Variants in UTP14A observed in about 807,000 individuals in gnomAD.
UTP14A encodes the protein U3 small nucleolar RNA-associated protein 14 homolog A.
Under a neutral mutation model 57.2 loss-of-function variants are expected in UTP14A, and 5 were observed. The observed-to-expected ratio is 0.09, with a 90% confidence interval of 0.05 to 0.18. The LOEUF is 0.18. UTP14A is among the 10% of genes least tolerant of loss of function. The pLI, the probability that UTP14A is intolerant of heterozygous loss-of-function variation, is 1.00. For synonymous variants in UTP14A, 169 were observed against 210.9 expected, an observed-to-expected ratio of 0.80 and a Z score of 1.72; for missense variants, 430 against 562.1, an observed-to-expected ratio of 0.76 and a Z score of 2.38.
rs764081312 is a variant in UTP14A, at chrX:129,924,984, A to G, written c.1538A>G (p.Glu513Gly). The G allele has an allele frequency of 9.1e-6, 11 of 1,209,453 alleles. No homozygotes were observed. The African/African-American group carries it at 1.9e-4, about 21-fold the overall frequency. ...QRPERVQTLEELEELGKEECF... is the reference protein window; with the variant it reads ...QRPERVQTLEGLEELGKEECF... ...CCAGAGAGAGTACAGACGCTGGAAG[A>G]GCTAGAAGAGCTGGGAAAAGAAGAA... is the stretch of plus-strand genomic sequence containing the variant. Residue 513 changes from glutamate to glycine, a missense_variant, in exon 12 of 15, where the codon GAG becomes GGG. By Grantham distance (98) the Glu-to-Gly change is moderately conservative (BLOSUM62 -2). This residue lies in a region of UTP14A where 120 missense variants were observed against 116.8 expected (regional missense o/e 1.03). Coordinates refer to ENST00000394422, the MANE Select transcript of UTP14A (RefSeq NM_006649.4).
intron 14 of UTP14A, 63 bp downstream of exon 14, chrX:129,926,402 G>A: frequency 2.0e-6 from 2 of 990,061 alleles, no homozygotes; most frequent in Non-Finnish European, 2.9e-6. Context: ...TGCTTGAGAG[G>A]AGTATTCTAG....
intron 12 of UTP14A, 65 bp from the exon 13 acceptor site, chrX:129,925,854 C>T: frequency 8.5e-7 from 1 of 1,170,484 alleles, no homozygotes; most frequent in Non-Finnish European, 1.1e-6. Flanking sequence ...ACCCGAAATT[C>T]AAGCGTTCTC....
chrX:129,920,015 C>G (rs1470587608), intron 8 of UTP14A, among the ~76,000 whole-genome samples: 1 of 111,213 alleles, frequency 9.0e-6, no homozygotes, highest in African/African-American at 3.3e-5. Context: ...ATGGCGAAAC[C>G]CCATCTCTAC....
chrX:129,923,875 C>T (rs753159869), intron 11 of UTP14A, among the ~76,000 whole-genome samples: 34 of 110,841 alleles, frequency 3.1e-4, no homozygotes, highest in South Asian at 2.6e-3. Context: ...GTTTACTGCA[C>T]GAGGAACTTA....
chrX:129,911,143 T>C lies in UTP14A; in HGVS notation c.374T>C (p.Ile125Thr), dbSNP rs777810656. Residue 125 changes from isoleucine (I) to threonine (T), a missense_variant, in exon 5 of 15, where the codon ATT becomes ACT. Around this residue, in one of 4 missense-constraint regions of UTP14A, gnomAD observed 145 missense variants for 153.5 expected, o/e 0.94. Transcript: ENST00000394422. The part of the protein sequence containing the change: ...TVELPLNKEE[I>T]ERIHREVAFN... ...GAGTTACCTCTGAACAAAGAAGAGA[T>C]TGAACGGGTAAGCTACAGAGAAGGT... 8.3e-6 allele frequency: 10 copies of C among 1,208,365 alleles called. No individual in the cohort carries two copies. The highest frequency in any genetic ancestry group is 1.1e-5 in the Non-Finnish European group (10 of 894,085).
chrX:129,916,558 T>C (rs903852262), intron 6 of UTP14A, among the ~76,000 whole-genome samples: 7 of 111,570 alleles, frequency 6.3e-5, no homozygotes, highest in African/African-American at 9.8e-5. Context: ...TCTGTCTCTG[T>C]AATAGCCCTT....
At chrX:129,915,749 T>C (rs1404132849) in intron 6 of UTP14A, among the ~76,000 whole-genome samples, 1 of 110,132 alleles carries the variant, frequency 9.1e-6, no homozygotes, top group Non-Finnish European at 1.9e-5. Flanking sequence ...CCTACTGCCC[T>C]ACTGAAACTT....
chrX:129,914,166 GAAGTGCTT>G (rs1460473885), intron 6 of UTP14A, among the ~76,000 whole-genome samples: 2 of 111,440 alleles, frequency 1.8e-5, no homozygotes, highest in African/African-American at 6.5e-5. Flanking sequence ...GAGAAATAAG[GAAGTGCTT>G]AGTTCAGAGG....
intron 12 of UTP14A, among the ~76,000 whole-genome samples, chrX:129,925,404 T>A (rs1245563999): frequency 1.8e-5 from 2 of 111,571 alleles, no homozygotes; most frequent in Non-Finnish European, 3.8e-5. Flanking sequence ...CCACAAAAAC[T>A]CCTCTGGGGT....
In UTP14A at chrX:129,921,207, T is replaced by C; in HGVS notation, c.968T>C (p.Met323Thr). 8.3e-7 allele frequency: 1 copy of C among 1,207,833 alleles called. No individual in the cohort carries two copies. The highest frequency in any genetic ancestry group is 1.1e-6 in the Non-Finnish European group (1 of 893,760). ...AKYDLEARQAMQEQLSKNKEL... is the reference protein window; with the variant it reads ...AKYDLEARQATQEQLSKNKEL... Reference sequence around the variant, plus strand: ...TCTTTCCTCCAGGCTCGCCAAGCTATGCAGGAACAGTTGTCTAAGAACAAA... The same window carrying C: ...TCTTTCCTCCAGGCTCGCCAAGCTACGCAGGAACAGTTGTCTAAGAACAAA... The change falls in exon 11 of 15, where the codon ATG becomes ACG. Residue 323 changes from methionine (M) to threonine (T), a missense_variant. Met to Thr is a moderately conservative substitution (Grantham distance 81). Transcript: ENST00000394422.
chrX:129,913,677 T>C (rs189268891), intron 6 of UTP14A, among the ~76,000 whole-genome samples: 44 of 112,124 alleles, frequency 3.9e-4, no homozygotes, highest in African/African-American at 1.0e-3. Flanking sequence ...AAATGCCAAG[T>C]TTGTTATTAA....
chrX:129,928,384 CAAAAAA>C (rs1183151025), intron 14 of UTP14A, among the ~76,000 whole-genome samples: 2 of 8,757 alleles, frequency 2.3e-4, no homozygotes, highest in African/African-American at 7.9e-4. Flanking sequence ...GACTCCATCT[CAAAAAA>C]AAAAAAAAAA....
chrX:129,908,809 C>G (rs41304948), intron 4 of UTP14A, 75 bp downstream of exon 4: 277 of 982,632 alleles, frequency 2.8e-4, no homozygotes, highest in Admixed American at 7.7e-4. Context: ...CCTCACCCCC[C>G]CTAGGAACTG....
rs57312277 is a variant in UTP14A at position 129,908,343 on chromosome X, T to C, written c.173+213T>C. 4.1e-3 allele frequency: 1,726 copies of C among 420,599 alleles called. 12 individuals are homozygous for C. Among genetic ancestry groups the C allele is most frequent in the African/African-American group, 0.036 (1,427 of 40,055 alleles). 34.7% of individuals were successfully genotyped at this position (420,599 alleles called of 1,213,427 possible). On this transcript the variant is annotated intron_variant, in intron 3 of 14. Coordinates refer to ENST00000394422, the MANE Select transcript of UTP14A (RefSeq NM_006649.4). ...CCACACTGAAAATCTTTTAAAGCAT[T>C]GAGTAGGCATTATTTAACCCCATTA...
At chrX:129,925,221 A>G (rs778594687) in intron 12 of UTP14A, 26 bp downstream of exon 12, 1 of 1,190,721 alleles carries the variant, frequency 8.4e-7, no homozygotes, top group South Asian at 1.9e-5. Flanking sequence ...GTGGTGGGCC[A>G]TTGTTCAGAA....
intron 4 of UTP14A, among the ~76,000 whole-genome samples, chrX:129,910,138 A>G (rs1929411022): frequency 8.9e-6 from 1 of 112,008 alleles, no homozygotes; most frequent in South Asian, 3.7e-4. Flanking sequence ...GATTGGGGAA[A>G]GCATTTCAGG....
At position 129,919,202 on chromosome X, in the gene UTP14A, T is replaced by C; in HGVS notation, c.565T>C (p.Phe189Leu). Residue 189 changes from phenylalanine to leucine, a missense_variant, in exon 7 of 15, where the codon TTC becomes CTC. Coordinates refer to ENST00000394422, the MANE Select transcript of UTP14A (RefSeq NM_006649.4). The stretch of plus-strand genomic sequence containing the variant: ...AAGAACTCCCCTGGAGCAGGAAATT[T>C]TCAACCTCCTCCATAAGAACAAGCA... Reference protein sequence around the residue: ...KARTPLEQEIFNLLHKNKQPV... With the variant: ...KARTPLEQEILNLLHKNKQPV... The C allele has an allele frequency of 8.3e-7, 1 of 1,211,810 alleles. No individual in the cohort carries two copies. The highest frequency in any genetic ancestry group is 1.1e-6 in the Non-Finnish European group (1 of 895,512).
At chrX:129,909,739 A>G (rs1029783371) in intron 4 of UTP14A, among the ~76,000 whole-genome samples, 2 of 112,027 alleles carry the variant, frequency 1.8e-5, no homozygotes, top group African/African-American at 6.5e-5. Flanking sequence ...AGCGGCAGCC[A>G]TGGGATTTTA....
chrX:129,927,239 C>A (rs1485427431), intron 14 of UTP14A, among the ~76,000 whole-genome samples: 1 of 110,756 alleles, frequency 9.0e-6, no homozygotes, highest in African/African-American at 3.3e-5. Context: ...TGATTTTCAT[C>A]TTTTTAATAA....
Sources: gnomAD v4.1 joint callset for allele counts (sites outside exome capture counted in the v4.1 genomes callset) on GRCh38, gnomAD v4.1.1 for gene constraint, gnomAD v4.1.1 regional missense constraint, MANE v1.5 for transcripts, NCBI Gene and HGNC (gene_info 2026-07-23, HGNC 2026-07-21) for gene names.